DLD: variants seen among roughly 807,000 people sequenced by gnomAD.
DLD encodes dihydrolipoamide dehydrogenase, also known as dihydrolipoyl dehydrogenase, mitochondrial.
In DLD, 36 loss-of-function variants were observed where a neutral mutation model predicts 62.2. That is an observed-to-expected ratio of 0.58 (90% CI 0.44 to 0.76). The LOEUF is 0.76. DLD is among the 30% of genes least tolerant of loss of function. The probability of loss-of-function intolerance (pLI) is 0.00; values close to 1 mark genes in which losing one functional copy is unlikely to be tolerated. For missense variants in DLD, 541 were observed against 608.6 expected (o/e 0.89, Z 1.17); for synonymous variants, 204 against 199.6 (o/e 1.02, Z -0.19).
At position 107,917,344 on chromosome 7, in the gene DLD, G is replaced by C; in HGVS notation, c.1118G>C (p.Cys373Ser). Residue 373 changes from cysteine to serine, a missense_variant, in exon 11 of 14, where the codon TGT (cysteine) becomes TCT (serine). Cys to Ser is a moderately radical substitution (Grantham distance 112). Coordinates refer to ENST00000205402, the MANE Select transcript of DLD (RefSeq NM_000108.5). Reference protein sequence around the residue: ...AHKAEDEGIICVEGMAGGAVH... With the variant: ...AHKAEDEGIISVEGMAGGAVH... Reference sequence around the variant, plus strand: ...AAAGCAGAGGATGAAGGCATTATCTGTGTTGAAGGAATGGCTGGTGGTGCT... The same window carrying C: ...AAAGCAGAGGATGAAGGCATTATCTCTGTTGAAGGAATGGCTGGTGGTGCT... 1 of 1,614,158 alleles carries C rather than the reference G, an allele frequency of 6.2e-7. No homozygotes were observed.
chr7:107,891,318 G>A (rs1364382409), intron 1 of DLD, 29 bp downstream of exon 1: 1 of 1,613,582 alleles, frequency 6.2e-7, no homozygotes, highest in Admixed American at 1.7e-5. Flanking sequence ...AGGTCGTGTT[G>A]AGCCAGAGGC....
intron 9 of DLD, 88 bp downstream of exon 9, chr7:107,915,784 G>A: frequency 8.3e-7 from 1 of 1,210,292 alleles, no homozygotes; most frequent in South Asian, 1.3e-5. Context: ...GCAAATATAG[G>A]GTTTTTTCTA....
chr7:107,909,839 C>CTT (rs71134292), intron 8 of DLD, among the ~76,000 whole-genome samples: 519 of 73,054 alleles, frequency 7.1e-3, no homozygotes, highest in Middle Eastern at 0.011. Flanking sequence ...GGAGAATTAA[C>CTT]TTTTTTTTTT....
intron 8 of DLD, among the ~76,000 whole-genome samples, chr7:107,914,673 T>C (rs546124882): frequency 1.3e-4 from 20 of 152,320 alleles, no homozygotes; most frequent in African/African-American, 4.8e-4. Context: ...GGTAAACTTT[T>C]ATAGTTCATT....
chr7:107,902,579 T>G (rs1323915758), intron 4 of DLD, among the ~76,000 whole-genome samples, 186 bp downstream of exon 4: 1 of 152,256 alleles, frequency 6.6e-6, no homozygotes. Flanking sequence ...AAGAGTGCTG[T>G]CACTAGTCTG....
chr7:107,896,931 G>A (rs1390647145), intron 2 of DLD, among the ~76,000 whole-genome samples: 2 of 151,972 alleles, frequency 1.3e-5, no homozygotes, highest in Non-Finnish European at 2.9e-5. Context: ...CACCTCCCGG[G>A]TTCAAGTGAT....
chr7:107,897,422 T>G (rs2116184076), intron 2 of DLD, among the ~76,000 whole-genome samples: 1 of 152,282 alleles, frequency 6.6e-6, no homozygotes, highest in South Asian at 2.1e-4. Flanking sequence ...TGCAAATTAT[T>G]TAGTTGTTTT....
intron 2 of DLD, 83 bp from the exon 3 acceptor site, chr7:107,901,655 G>A (rs1038843602): frequency 4.5e-6 from 5 of 1,117,130 alleles, no homozygotes; most frequent in Non-Finnish European, 6.8e-6. Context: ...TAAGTATCGG[G>A]TTATTTGTTT....
intron 2 of DLD, among the ~76,000 whole-genome samples, chr7:107,896,606 T>C (rs1352017940): frequency 6.6e-6 from 1 of 152,164 alleles, no homozygotes; most frequent in Non-Finnish European, 1.5e-5. Context: ...TGAACAGTTT[T>C]GGGTGATAAC....
chr7:107,915,687 T>G lies in DLD; in HGVS notation c.866T>G (p.Ile289Ser). The G allele has an allele frequency of 6.2e-7, 1 of 1,613,478 alleles. No homozygotes were observed. The highest frequency in any genetic ancestry group is 1.1e-5 in the South Asian group (1 of 91,032). ...GCTACCAAGAAGTCAGATGGAAAAA[T>G]TGATGTTTCGTAAGTATACATCATT... ...TGATKKSDGK[I>S]DVSIEAASGG... is the part of the protein sequence containing the mutation. Residue 289 changes from isoleucine to serine, a missense_variant, in exon 9 of 14, where the codon ATT (isoleucine) becomes AGT (serine). Physicochemically the swap from Ile to Ser is moderately radical, Grantham distance 142. Coordinates refer to ENST00000205402, the MANE Select transcript of DLD (RefSeq NM_000108.5).
chr7:107,895,761 G>T (rs973700688), intron 2 of DLD, among the ~76,000 whole-genome samples: 12 of 152,130 alleles, frequency 7.9e-5, no homozygotes, highest in South Asian at 2.1e-4. Context: ...CTTTCCTAAG[G>T]AATTATGTTG....
intron 2 of DLD, among the ~76,000 whole-genome samples, chr7:107,897,401 G>T (rs1372386966): frequency 6.6e-6 from 1 of 152,032 alleles, no homozygotes; most frequent in Non-Finnish European, 1.5e-5. Flanking sequence ...CTTACTAGTT[G>T]TGTAGCCTTA....
intron 5 of DLD, chr7:107,904,748 T>G: frequency 1.6e-6 from 1 of 637,078 alleles, no homozygotes; most frequent in Non-Finnish European, 2.9e-6. Flanking sequence ...TTACCCAAGG[T>G]AGACATTTTA....
chr7:107,900,058 A>G (rs1189153621), intron 2 of DLD, among the ~76,000 whole-genome samples: 3 of 152,142 alleles, frequency 2.0e-5, no homozygotes, highest in African/African-American at 4.8e-5. Flanking sequence ...AAAAGCACAG[A>G]TGGATCAGTA....
chr7:107,905,285 A>G, intron 6 of DLD, 76 bp from the exon 7 acceptor site: 1 of 1,420,504 alleles, frequency 7.0e-7, no homozygotes, highest in Non-Finnish European at 9.8e-7. Context: ...TTATTTACAG[A>G]GTAATTTTTC....
chr7:107,918,927 A>T, intron 12 of DLD, 83 bp from the exon 13 acceptor site: 3 of 1,159,000 alleles, frequency 2.6e-6, no homozygotes, highest in Non-Finnish European at 2.6e-6. Flanking sequence ...TTAAGATCTA[A>T]AAGCTTCCCC....
intron 7 of DLD, 169 bp downstream of exon 7, chr7:107,905,673 C>T (rs1023438175): frequency 1.0e-5 from 7 of 699,656 alleles, no homozygotes; most frequent in African/African-American, 3.6e-5. Context: ...TGATTCTGAC[C>T]AGCTATAGAA....
At chr7:107,896,619 G>C (rs1471562878) in intron 2 of DLD, among the ~76,000 whole-genome samples, 2 of 152,290 alleles carry the variant, frequency 1.3e-5, no homozygotes, top group East Asian at 3.9e-4. Context: ...GTGATAACAA[G>C]TATAGAGTGT....
intron 8 of DLD, among the ~76,000 whole-genome samples, chr7:107,913,644 T>G (rs922914007): frequency 6.6e-6 from 1 of 152,092 alleles, no homozygotes; most frequent in Admixed American, 6.5e-5. Flanking sequence ...AGTCTTTAGG[T>G]TTTTCTAAAT....
Sources: allele counts gnomAD v4.1 joint callset (sites outside exome capture counted in the v4.1 genomes callset), GRCh38; gene constraint gnomAD v4.1.1; transcripts MANE v1.5; gene names NCBI Gene and HGNC (gene_info 2026-07-23, HGNC 2026-07-21).